The following LRRC8D variants were observed in gnomAD, a reference collection of about 807,000 sequenced individuals.
The protein encoded by LRRC8D is volume-regulated anion channel subunit LRRC8D.
In LRRC8D, 20 loss-of-function variants were observed where a neutral mutation model predicts 55.8. The ratio of observed to expected loss-of-function variants is 0.36; its 90% CI spans 0.25 to 0.52. The LOEUF is 0.52. Among genes scored for constraint, LRRC8D ranks in the 20% least tolerant of loss-of-function variants. LRRC8D has a pLI of 0.93. For synonymous variants in LRRC8D, 352 were observed against 377.0 expected (o/e 0.93, Z 0.77); for missense variants, 651 against 1,030.8 (o/e 0.63, Z 5.05).
intron 1 of LRRC8D, among the ~76,000 whole-genome samples, chr1:89,822,510 C>A (rs1464425048): frequency 6.6e-6 from 1 of 152,170 alleles, no homozygotes; most frequent in East Asian, 1.9e-4. Context: ...TTTCTGGAAA[C>A]TTTCCTTGGC....
intron 2 of LRRC8D, among the ~76,000 whole-genome samples, chr1:89,898,639 TCCAAAAG>T (rs1387868655): frequency 6.6e-6 from 1 of 152,152 alleles, no homozygotes; most frequent in Non-Finnish European, 1.5e-5. Flanking sequence ...CATAGACTGA[TCCAAAAG>T]AACTTTCTTG....
intron 1 of LRRC8D, among the ~76,000 whole-genome samples, chr1:89,824,170 A>G (rs1290248082): frequency 1.3e-5 from 2 of 152,166 alleles, no homozygotes; most frequent in African/African-American, 4.8e-5. Flanking sequence ...CCTTCCTCCT[A>G]AACAAAGAAT....
chr1:89,869,788 G>A (rs777289111), intron 2 of LRRC8D, among the ~76,000 whole-genome samples: 1 of 152,194 alleles, frequency 6.6e-6, no homozygotes, highest in African/African-American at 2.4e-5. Flanking sequence ...CCAGAAGAGA[G>A]TGGGGACCAA....
At chr1:89,912,431 G>GGAAA (rs1312251666) in intron 2 of LRRC8D, among the ~76,000 whole-genome samples, 3 of 130,844 alleles carry the variant, frequency 2.3e-5, no homozygotes, top group East Asian at 4.4e-4. Flanking sequence ...TGGTGTTCTG[G>GGAAA]GAAACCACAA....
At chr1:89,888,867 G>C (rs1042521129) in intron 2 of LRRC8D, among the ~76,000 whole-genome samples, 2 of 152,182 alleles carry the variant, frequency 1.3e-5, no homozygotes, top group Admixed American at 1.3e-4. Context: ...TATGAAATAT[G>C]TACCCATCCT....
chr1:89,837,004 T>C (rs1661018816), intron 1 of LRRC8D, among the ~76,000 whole-genome samples: 1 of 152,246 alleles, frequency 6.6e-6, no homozygotes, highest in South Asian at 2.1e-4. Flanking sequence ...CCTGCTTAAC[T>C]TGTGTGGTTC....
intron 1 of LRRC8D, among the ~76,000 whole-genome samples, chr1:89,839,937 C>G (rs571043462): frequency 6.6e-6 from 1 of 152,258 alleles, no homozygotes; most frequent in South Asian, 2.1e-4. Context: ...GAAAGATAAG[C>G]AGCATTGTTT....
intron 2 of LRRC8D, among the ~76,000 whole-genome samples, chr1:89,860,618 C>T (rs1436502249): frequency 2.7e-5 from 4 of 150,582 alleles, no homozygotes; most frequent in Admixed American, 6.6e-5. Context: ...ATTAGCTGAG[C>T]GTGGTGGTGC....
In LRRC8D at chr1:89,821,265, G is replaced by A. The variant is rs1413174754; in HGVS notation, c.-174G>A. On this transcript the variant is annotated 5_prime_UTR_variant, in exon 1 of 3. Coordinates refer to ENST00000337338, the MANE Select transcript of LRRC8D (RefSeq NM_001134479.2). ...CACCTCCGGCCTCAGCATAAGCCGT[G>A]GCTTGGCGGCCGAGCTGCACCCCAA... The A allele has an allele frequency of 6.6e-6, 1 of 151,862 alleles. No homozygotes were observed. Among genetic ancestry groups the A allele is most frequent in the African/African-American group, 2.4e-5 (1 of 41,416 alleles). The allele number at this position is 151,862 out of a possible 1,614,324, so 9.4% of individuals were successfully genotyped here. A position where few individuals can be genotyped will look rare whatever the true frequency, so the allele number is the denominator to read the frequency against.
chr1:89,872,054 C>A (rs778697341), intron 2 of LRRC8D, among the ~76,000 whole-genome samples: 5 of 152,206 alleles, frequency 3.3e-5, no homozygotes, highest in Non-Finnish European at 7.3e-5. Flanking sequence ...CAATCTCTGG[C>A]AAAGTTTCAC....
At chr1:89,846,977 C>A (rs1322504666) in intron 2 of LRRC8D, among the ~76,000 whole-genome samples, 1 of 152,174 alleles carries the variant, frequency 6.6e-6, no homozygotes, top group Non-Finnish European at 1.5e-5. Flanking sequence ...ACTGCTGCCA[C>A]TGTGCGCATC....
chr1:89,878,753 G>T (rs984110460), intron 2 of LRRC8D, among the ~76,000 whole-genome samples: 3 of 152,020 alleles, frequency 2.0e-5, no homozygotes, highest in Non-Finnish European at 4.4e-5. Context: ...ATCACCTGAG[G>T]TTAGGAGTTC....
intron 2 of LRRC8D, among the ~76,000 whole-genome samples, chr1:89,890,437 G>C (rs756275689): frequency 6.8e-4 from 104 of 152,170 alleles, no homozygotes; most frequent in Middle Eastern, 3.2e-3. Context: ...CCCAGGCTTT[G>C]TATGCTATAT....
At chr1:89,926,194 T>C (rs1663559783) in intron 2 of LRRC8D, among the ~76,000 whole-genome samples, 1 of 152,280 alleles carries the variant, frequency 6.6e-6, no homozygotes, top group African/African-American at 2.4e-5. Flanking sequence ...GTGCATCTGC[T>C]ATACTTTGTG....
chr1:89,874,439 CTATTTGTGTGTG>C (rs1335294735), intron 2 of LRRC8D, among the ~76,000 whole-genome samples: 67 of 115,564 alleles, frequency 5.8e-4, no homozygotes, highest in African/African-American at 2.4e-3. Context: ...AAGTAAGAAA[CTATTTGTGTGTG>C]TGTGTGTGTG....
At chr1:89,846,813 G>T (rs17497465) in intron 2 of LRRC8D, among the ~76,000 whole-genome samples, 171 of 152,082 alleles carry the variant, frequency 1.1e-3, no homozygotes, top group Non-Finnish European at 2.2e-3. Context: ...CCTTTTGTCA[G>T]GTTTTAGTGA....
In LRRC8D at chr1:89,853,762, G is replaced by T. The variant is rs116155538; in HGVS notation, c.-3+9980G>T. ...GGATCTGACAGTTAGGTATTCAGTG[G>T]GTAGTCAGAAGACCTCTAAAGCCTA... On this transcript the variant is annotated intron_variant, in intron 2 of 2. Coordinates refer to ENST00000337338, the MANE Select transcript of LRRC8D (RefSeq NM_001134479.2). Among the ~76,000 whole-genome samples, 522 of 152,188 alleles carry T rather than the reference G, an allele frequency of 3.4e-3. 7 individuals are homozygous for T. Among genetic ancestry groups the T allele is most frequent in the African/African-American group, 0.012 (491 of 41,530 alleles).
chr1:89,834,838 A>G (rs1660967795), intron 1 of LRRC8D, among the ~76,000 whole-genome samples: 1 of 152,190 alleles, frequency 6.6e-6, no homozygotes, highest in Admixed American at 6.5e-5. Flanking sequence ...TTGTAGAAGT[A>G]CAGAATGTGT....
chr1:89,873,143 T>C (rs17130909), intron 2 of LRRC8D, among the ~76,000 whole-genome samples: 3,776 of 152,208 alleles, frequency 0.025, 169 homozygotes, highest in African/African-American at 0.087. Flanking sequence ...GGAGAGATCA[T>C]AGAGATCCAG....
Sources: gnomAD v4.1 joint callset for allele counts (sites outside exome capture counted in the v4.1 genomes callset) on GRCh38, gnomAD v4.1.1 for gene constraint, MANE v1.5 for transcripts, NCBI Gene and HGNC (gene_info 2026-07-23, HGNC 2026-07-21) for gene names.